The following CNTNAP2 variants were observed in gnomAD, a reference collection of about 807,000 sequenced individuals.
CNTNAP2 encodes the protein contactin-associated protein-like 2.
In CNTNAP2, 98 loss-of-function variants were observed where a neutral mutation model predicts 155.2. The observed-to-expected ratio is 0.63, with a 90% CI of 0.54 to 0.75. CNTNAP2 has a LOEUF of 0.75. CNTNAP2 is among the 30% of genes least tolerant of loss of function. CNTNAP2 has a pLI of 0.00. For missense variants in CNTNAP2, 1,727 were observed against 1,688.1 expected, an observed-to-expected ratio of 1.02 and a Z score of -0.40; for synonymous variants, 651 against 631.2, an observed-to-expected ratio of 1.03 and a Z score of -0.47.
chr7:148,243,327 C>T (rs926786856), intron 20 of CNTNAP2, among the ~76,000 whole-genome samples: 3 of 152,196 alleles, frequency 2.0e-5, no homozygotes, highest in African/African-American at 7.2e-5. Flanking sequence ...TAGCCTCCAA[C>T]ATCCTGACCA....
intron 15 of CNTNAP2, among the ~76,000 whole-genome samples, chr7:148,030,455 A>G (rs1802455945): frequency 6.6e-6 from 1 of 152,296 alleles, no homozygotes; most frequent in Admixed American, 6.5e-5. Flanking sequence ...TTATCTACCA[A>G]TGGGGACTAC....
chr7:147,811,957 T>C (rs1004731913), intron 13 of CNTNAP2, among the ~76,000 whole-genome samples: 1 of 152,148 alleles, frequency 6.6e-6, no homozygotes, highest in Non-Finnish European at 1.5e-5. Context: ...AAGTAGGTAC[T>C]ATGTCAGTAA....
intron 4 of CNTNAP2, among the ~76,000 whole-genome samples, chr7:147,086,154 G>C (rs930674301): frequency 6.6e-6 from 1 of 152,110 alleles, no homozygotes; most frequent in African/African-American, 2.4e-5. Context: ...ATTTTTAAAG[G>C]AGCATTTTAA....
intron 1 of CNTNAP2, among the ~76,000 whole-genome samples, chr7:146,700,568 A>C (rs890830144): frequency 1.3e-5 from 2 of 152,132 alleles, no homozygotes; most frequent in Non-Finnish European, 2.9e-5. Context: ...GACAATGAAA[A>C]AGTAGGCTCT....
chr7:146,952,020 A>G (rs137959258), intron 3 of CNTNAP2, among the ~76,000 whole-genome samples: 176 of 152,242 alleles, frequency 1.2e-3, no homozygotes, highest in African/African-American at 3.3e-3. Flanking sequence ...CATCGACACA[A>G]AAATCCTCAA....
intron 10 of CNTNAP2, among the ~76,000 whole-genome samples, chr7:147,451,219 C>T (rs991064849): frequency 6.6e-5 from 10 of 152,098 alleles, no homozygotes; most frequent in Admixed American, 5.9e-4. Flanking sequence ...AACAAGAGCC[C>T]ACTAGTCTGG....
chr7:146,121,031 T>A (rs1402052891), intron 1 of CNTNAP2, among the ~76,000 whole-genome samples: 1 of 152,042 alleles, frequency 6.6e-6, no homozygotes, highest in Non-Finnish European at 1.5e-5. Flanking sequence ...GTTCTATAAT[T>A]TCTTTGAGAT....
chr7:147,539,793 G>A (rs947013238), intron 11 of CNTNAP2, among the ~76,000 whole-genome samples: 4 of 152,174 alleles, frequency 2.6e-5, no homozygotes, highest in African/African-American at 9.7e-5. Flanking sequence ...AGAGCTGGAA[G>A]CATTTTTAGG....
chr7:148,338,548 G>A (rs943138351), intron 21 of CNTNAP2, among the ~76,000 whole-genome samples: 3 of 150,560 alleles, frequency 2.0e-5, no homozygotes, highest in Non-Finnish European at 3.0e-5. Flanking sequence ...AGTAATTGGG[G>A]CGTGGGGGGG....
At chr7:147,867,522 G>A (rs1799254626) in intron 13 of CNTNAP2, among the ~76,000 whole-genome samples, 1 of 152,178 alleles carries the variant, frequency 6.6e-6, no homozygotes, top group African/African-American at 2.4e-5. Context: ...AAGTTCTCCT[G>A]GATAATATCC....
At chr7:147,100,157 GA>G (rs1303673198) in intron 4 of CNTNAP2, among the ~76,000 whole-genome samples, 1 of 152,050 alleles carries the variant, frequency 6.6e-6, no homozygotes, top group Non-Finnish European at 1.5e-5. Context: ...ATGTGTGTGT[GA>G]ATGTCCATTT....
intron 11 of CNTNAP2, among the ~76,000 whole-genome samples, chr7:147,509,522 T>G (rs1798977845): frequency 1.3e-5 from 2 of 152,166 alleles, no homozygotes; most frequent in Admixed American, 1.3e-4. Flanking sequence ...GTCTCTTCCC[T>G]TCATTGTGCT....
At chr7:148,097,580 G>T (rs1804000743) in intron 15 of CNTNAP2, among the ~76,000 whole-genome samples, 1 of 152,082 alleles carries the variant, frequency 6.6e-6, no homozygotes, top group Non-Finnish European at 1.5e-5. Flanking sequence ...TGCCTCCCGG[G>T]TTCACACCAA....
intron 1 of CNTNAP2, among the ~76,000 whole-genome samples, chr7:146,727,221 C>T (rs1023021557): frequency 1.4e-4 from 21 of 152,102 alleles, no homozygotes; most frequent in African/African-American, 5.1e-4. Context: ...ACCTGTTACA[C>T]AGTGTCCTTT....
At chr7:147,125,895 T>C (rs149105877) in intron 6 of CNTNAP2, among the ~76,000 whole-genome samples, 3 of 152,202 alleles carry the variant, frequency 2.0e-5, no homozygotes, top group African/African-American at 7.2e-5. Flanking sequence ...AAAAGAAGAC[T>C]GGAGGCAAAT....
chr7:147,044,183 T>A (rs957156835), intron 4 of CNTNAP2, 129 bp downstream of exon 4: 2 of 966,682 alleles, frequency 2.1e-6, no homozygotes, highest in Admixed American at 2.0e-5. Context: ...TACATATATA[T>A]GTATCTATGC....
At chr7:147,534,501 A>T (rs998392552) in intron 11 of CNTNAP2, among the ~76,000 whole-genome samples, 1 of 152,162 alleles carries the variant, frequency 6.6e-6, no homozygotes, top group Non-Finnish European at 1.5e-5. Context: ...CAATCATATG[A>T]TTCTGAATGC....
At chr7:147,415,473 G>A (rs1054704656) in intron 10 of CNTNAP2, among the ~76,000 whole-genome samples, 1 of 152,132 alleles carries the variant, frequency 6.6e-6, no homozygotes, top group African/African-American at 2.4e-5. Flanking sequence ...GAGATCTGAT[G>A]ACTTTTTAAG....
intron 15 of CNTNAP2, among the ~76,000 whole-genome samples, chr7:148,058,842 C>T (rs946594007): frequency 6.6e-6 from 1 of 152,048 alleles, no homozygotes; most frequent in African/African-American, 2.4e-5. Flanking sequence ...AAAAATAGCC[C>T]AGGTGTTAGA....
Sources: allele counts gnomAD v4.1 joint callset (sites outside exome capture counted in the v4.1 genomes callset), GRCh38; gene constraint gnomAD v4.1.1; transcripts MANE v1.5; gene names NCBI Gene and HGNC (gene_info 2026-07-23, HGNC 2026-07-21).